ZNF644: variants seen among roughly 807,000 people sequenced by gnomAD.
The protein encoded by ZNF644 is zinc finger motif enhancer binding protein 2.
In ZNF644, 20 loss-of-function variants were observed where a neutral mutation model predicts 108.0. The observed-to-expected ratio is 0.19, with a 90% CI of 0.13 to 0.27. ZNF644 has a LOEUF of 0.27. ZNF644 is among the 10% of genes least tolerant of loss of function. The probability of loss-of-function intolerance (pLI) is 1.00; values close to 1 mark genes in which losing one functional copy is unlikely to be tolerated. For synonymous variants in ZNF644, 542 were observed against 539.1 expected, an observed-to-expected ratio of 1.01 and a Z score of -0.08; for missense variants, 1,338 against 1,548.9, an observed-to-expected ratio of 0.86 and a Z score of 2.29.
chr1:90,939,366 C>T lies in ZNF644; in HGVS notation c.1988G>A (p.Arg663Gln), dbSNP rs745331005. ...KNSALKQDVKRTFGSTSQSSS... is the reference protein window; with the variant it reads ...KNSALKQDVKQTFGSTSQSSS... ...TGATTGTGAGGTTGATCCAAATGTT[C>T]GCTTCACATCTTGTTTTAAAGCAGA... The change falls in exon 3 of 6, where the codon CGA becomes CAA. Residue 663 changes from arginine (R) to glutamine (Q), a missense_variant. By Grantham distance (43) the Arg-to-Gln change is conservative. Coordinates refer to ENST00000337393, the MANE Select transcript of ZNF644 (RefSeq NM_201269.3). 2.3e-5 allele frequency: 37 copies of T among 1,613,820 alleles called. 1 individual carries two copies. The highest frequency in any genetic ancestry group is 3.0e-5 in the Non-Finnish European group (35 of 1,179,942).
At chr1:90,994,882 A>G (rs1336292310) in intron 1 of ZNF644, among the ~76,000 whole-genome samples, 1 of 152,204 alleles carries the variant, frequency 6.6e-6, no homozygotes, top group African/African-American at 2.4e-5. Context: ...GGAAAGCTAG[A>G]AGAAAACAGA....
At chr1:90,962,121 A>C (rs1654393965) in intron 2 of ZNF644, among the ~76,000 whole-genome samples, 1 of 152,158 alleles carries the variant, frequency 6.6e-6, no homozygotes, top group Admixed American at 6.6e-5. Context: ...ATAAGACCTA[A>C]TATCATAAAG....
intron 4 of ZNF644, among the ~76,000 whole-genome samples, chr1:90,935,785 T>C (rs530422696): frequency 1.3e-5 from 2 of 152,350 alleles, no homozygotes; most frequent in African/African-American, 4.8e-5. Context: ...TATACACCTA[T>C]TATTACTTTC....
intron 1 of ZNF644, among the ~76,000 whole-genome samples, chr1:90,984,232 T>C (rs1295336542): frequency 6.6e-6 from 1 of 152,186 alleles, no homozygotes; most frequent in Non-Finnish European, 1.5e-5. Flanking sequence ...ATTAATACAC[T>C]GAAGACAGCA....
intron 2 of ZNF644, among the ~76,000 whole-genome samples, chr1:90,969,997 C>G (rs1570463319): frequency 6.6e-6 from 1 of 152,290 alleles, no homozygotes; most frequent in Middle Eastern, 3.4e-3. Flanking sequence ...ATATTTCTAT[C>G]TTCTGAAAAC....
chr1:90,934,903 T>C (rs898984015), intron 4 of ZNF644, among the ~76,000 whole-genome samples: 1 of 152,086 alleles, frequency 6.6e-6, no homozygotes, highest in African/African-American at 2.4e-5. Flanking sequence ...TTCCCCAAGC[T>C]AGAACTACAA....
At chr1:90,984,861 T>C (rs1053803941) in intron 1 of ZNF644, among the ~76,000 whole-genome samples, 3 of 152,240 alleles carry the variant, frequency 2.0e-5, no homozygotes, top group Non-Finnish European at 2.9e-5. Context: ...ACCCAGTCTG[T>C]AGTATTTTAT....
At chr1:90,964,760 A>G (rs1654674386) in intron 2 of ZNF644, among the ~76,000 whole-genome samples, 1 of 152,210 alleles carries the variant, frequency 6.6e-6, no homozygotes, top group African/African-American at 2.4e-5. Flanking sequence ...AAGACTGTGA[A>G]GTATATTAGT....
At chr1:90,968,437 G>T (rs1655146638) in intron 2 of ZNF644, among the ~76,000 whole-genome samples, 1 of 152,082 alleles carries the variant, frequency 6.6e-6, no homozygotes, top group Non-Finnish European at 1.5e-5. Context: ...TTTTGGGGGG[G>T]GAGCCTCTCA....
chr1:90,951,343 C>A lies in ZNF644; in HGVS notation c.45-10034G>T, dbSNP rs74712477. 1.7e-3 allele frequency among the ~76,000 whole-genome samples: 252 copies of A among 152,326 alleles called. 2 individuals carry two copies. The highest frequency in any genetic ancestry group is 6.0e-3 in the African/African-American group (248 of 41,576). On this transcript the variant is annotated intron_variant, in intron 2 of 5. Transcript: ENST00000337393. The stretch of plus-strand genomic sequence containing the variant: ...ACCTGAAAGGACCTACAGAGAGATA[C>A]TACTACCTAGTAACCCTTTGACTTC...
At chr1:90,930,744 G>A (rs1650637537) in intron 4 of ZNF644, among the ~76,000 whole-genome samples, 1 of 152,216 alleles carries the variant, frequency 6.6e-6, no homozygotes, top group Admixed American at 6.5e-5. Context: ...ATGTGGTCAA[G>A]ATATAAAATA....
At position 90,927,161 on chromosome 1, in the gene ZNF644, C is replaced by A. The variant is rs566884331; in HGVS notation, c.3689-9007G>T. Among the ~76,000 whole-genome samples, 42 of 151,944 alleles carry A rather than the reference C, an allele frequency of 2.8e-4. 1 individual carries two copies. The South Asian group carries it at 8.5e-3, about 31-fold the overall frequency. On this transcript the variant is annotated intron_variant, in intron 4 of 5. Coordinates refer to ENST00000337393, the MANE Select transcript of ZNF644 (RefSeq NM_201269.3). ...TCCAAAAGCCTTGGGAGTTCCTAGTCTAGCTGAAAGTGTCTTCCTCTTTCT... is the reference window on the plus strand; with the variant it reads ...TCCAAAAGCCTTGGGAGTTCCTAGTATAGCTGAAAGTGTCTTCCTCTTTCT...
At chr1:91,015,484 TCTA>T (rs554170030) in intron 1 of ZNF644, among the ~76,000 whole-genome samples, 156 of 152,298 alleles carry the variant, frequency 1.0e-3, no homozygotes, top group Non-Finnish European at 1.6e-3. Context: ...CCTTCTTCTC[TCTA>T]CTAATAGTCA....
At chr1:90,960,092 C>G (rs1654177697) in intron 2 of ZNF644, among the ~76,000 whole-genome samples, 1 of 152,020 alleles carries the variant, frequency 6.6e-6, no homozygotes, top group Non-Finnish European at 1.5e-5. Flanking sequence ...GTTCAAGAAC[C>G]TTTATTTCAC....
rs185111249 is a variant in ZNF644 at position 90,920,488 on chromosome 1, G to A, written c.3689-2334C>T. Among the ~76,000 whole-genome samples, 9 of 152,026 alleles carry A rather than the reference G, an allele frequency of 5.9e-5. No homozygotes were observed. The East Asian group carries it at 1.7e-3, about 29-fold the overall frequency. ...TACATGTTGTTAATATTTTAAAAAT[G>A]GAACTGGAAATGTTTATTCTAAAAT... On this transcript the variant is annotated intron_variant, in intron 4 of 5. Transcript: ENST00000337393.
chr1:90,968,753 CTT>C (rs1299926284), intron 2 of ZNF644, among the ~76,000 whole-genome samples: 1 of 152,042 alleles, frequency 6.6e-6, no homozygotes, highest in Non-Finnish European at 1.5e-5. Context: ...ATTTATGATT[CTT>C]TTCCTGAATA....
intron 4 of ZNF644, among the ~76,000 whole-genome samples, chr1:90,931,904 G>A (rs1198298737): frequency 6.6e-6 from 1 of 151,666 alleles, no homozygotes; most frequent in East Asian, 1.9e-4. Context: ...TTCTCAATTT[G>A]CCATCAGACA....
At chr1:90,999,040 A>C (rs1267456499) in intron 1 of ZNF644, among the ~76,000 whole-genome samples, 1 of 152,272 alleles carries the variant, frequency 6.6e-6, no homozygotes, top group Non-Finnish European at 1.5e-5. Context: ...ATATGGGACT[A>C]TGTGAAAAGA....
chr1:90,964,792 A>G (rs1654681888), intron 2 of ZNF644, among the ~76,000 whole-genome samples: 1 of 152,164 alleles, frequency 6.6e-6, no homozygotes, highest in Admixed American at 6.5e-5. Flanking sequence ...AAAATAGAAG[A>G]GGTCTTTTTT....
Sources: allele counts gnomAD v4.1 joint callset (sites outside exome capture counted in the v4.1 genomes callset), GRCh38; gene constraint gnomAD v4.1.1; transcripts MANE v1.5; gene names NCBI Gene and HGNC (gene_info 2026-07-23, HGNC 2026-07-21).